The following LOXL1 variants were observed in gnomAD, a reference collection of about 807,000 sequenced individuals.
LOXL1 encodes the protein lysyl oxidase like 1, also known as lysyl oxidase homolog 1.
LOXL1 carries 31 observed loss-of-function variants against 62.2 expected under a neutral mutation model. The observed-to-expected ratio is 0.50, with a 90% CI of 0.37 to 0.67. The LOEUF (loss-of-function observed/expected upper bound fraction) is 0.67, where lower values mean the gene tolerates loss of function less well. LOXL1 is among the 30% of genes least tolerant of loss of function. The probability of loss-of-function intolerance (pLI) is 0.00; values close to 1 mark genes in which losing one functional copy is unlikely to be tolerated. For synonymous variants in LOXL1, 403 were observed against 384.4 expected (o/e 1.05, Z -0.56); for missense variants, 775 against 843.4 (o/e 0.92, Z 1.00).
At chr15:73,947,976 C>A in intron 5 of LOXL1, 74 bp downstream of exon 5, 1 of 1,167,816 alleles carries the variant, frequency 8.6e-7, no homozygotes, top group Non-Finnish European at 1.3e-6. Flanking sequence ...CTGAAAGAAG[C>A]TTCAGCCTCT....
Position 73,951,931 on chromosome 15 carries a change from C to A in LOXL1, c.*94C>A. 8.2e-7 allele frequency: 1 copy of A among 1,226,446 alleles called. No homozygotes were observed. The highest frequency in any genetic ancestry group is 1.5e-5 in the African/African-American group (1 of 64,550). 76.0% of individuals were successfully genotyped at this position (1,226,446 alleles called of 1,614,324 possible). ...GCCGAGGGGCCCAGCCCCCAACCCA[C>A]AGGCACGGAGGGGCATCCCTCCCTG... On this transcript the variant is annotated 3_prime_UTR_variant, in exon 7 of 7. Coordinates refer to ENST00000261921, the MANE Select transcript of LOXL1 (RefSeq NM_005576.4).
rs757306116 is a variant in LOXL1 at position 73,947,208 on chromosome 15, C to T, written c.1491C>T (p.Cys497=). Residue 497 remains cysteine, a synonymous_variant, in exon 4 of 7, where the codon TGC becomes TGT. Transcript: ENST00000261921. ...CDFGNLKRYA[C]TSHTQGLSPG... is the part of the protein sequence containing the mutation. Reference sequence around the variant, plus strand: ...TCGGCAACCTCAAGCGCTATGCATGCACCTCTCATACCCAGGTTGGGCTGG... The same window carrying T: ...TCGGCAACCTCAAGCGCTATGCATGTACCTCTCATACCCAGGTTGGGCTGG... The T allele has an allele frequency of 5.0e-6, 8 of 1,608,094 alleles. No homozygotes were observed. The South Asian group carries it at 8.8e-5, about 18-fold the overall frequency.
In LOXL1 at chr15:73,930,276, T is replaced by C. The variant is rs554673531; in HGVS notation, c.1102+2391T>C. ...TCAGGGAGACTTCCACAGGAAGCAA[T>C]GTCTAAGCATTGCTGCAAGGGATGG... On this transcript the variant is annotated intron_variant, in intron 1 of 6. Transcript: ENST00000261921. The surrounding 1 kb of genome is among the most constrained non-coding windows in gnomAD (Gnocchi z 4.7). Among the ~76,000 whole-genome samples, 58 of 152,192 alleles carry C rather than the reference T, an allele frequency of 3.8e-4. No individual in the cohort carries two copies. Among genetic ancestry groups the C allele is most frequent in the South Asian group, 1.9e-3 (9 of 4,826 alleles).
At chr15:73,950,837 C>T (rs2068779712) in intron 6 of LOXL1, among the ~76,000 whole-genome samples, 1 of 152,186 alleles carries the variant, frequency 6.6e-6, no homozygotes, top group South Asian at 2.1e-4. Flanking sequence ...ATGCTGCCAC[C>T]ACATCATGAA....
In LOXL1 at chr15:73,927,578, G is replaced by GCCGCCT. The variant is rs1567082764; in HGVS notation, c.797_798insGCCTCC (p.Pro266_Pro267dup). 6.7e-7 allele frequency: 1 copy of GCCGCCT among 1,500,500 alleles called. No homozygotes were observed. Among genetic ancestry groups the GCCGCCT allele is most frequent in the South Asian group, 1.2e-5 (1 of 80,264 alleles). The allele number at this position is 1,500,500 out of a possible 1,614,324, so 92.9% of individuals were successfully genotyped here. On this transcript the variant is annotated inframe_insertion, in exon 1 of 7. Coordinates refer to ENST00000261921, the MANE Select transcript of LOXL1 (RefSeq NM_005576.4). ...GGCCCTACGTGCCGCCGCCGCCGCCGCCCCCCGACGGCCTGGACCGCCGCT... is the reference window on the plus strand; with the variant it reads ...GGCCCTACGTGCCGCCGCCGCCGCCGCCGCCTCCCCCCGACGGCCTGGACCGCCGCT...
Position 73,927,328 on chromosome 15 carries a change from C to T in LOXL1, c.545C>T (p.Ala182Val). 1 of 1,603,250 alleles carries T rather than the reference C, an allele frequency of 6.2e-7. No homozygotes were observed. The highest frequency in any genetic ancestry group is 8.5e-7 in the Non-Finnish European group (1 of 1,176,494). The change falls in exon 1 of 7, where the codon GCG becomes GTG. Residue 182 changes from alanine (A) to valine (V), a missense_variant. Ala to Val is a moderately conservative substitution (Grantham distance 64, BLOSUM62 0). Transcript: ENST00000261921. ...CCGCAGCAGTTCCCCTACCCGCAGG[C>T]GCCCTTCGTCAGCCAGTACGAGAAC... is the stretch of plus-strand genomic sequence containing the variant. Reference protein sequence around the residue: ...SYPQQFPYPQAPFVSQYENYD... With the variant: ...SYPQQFPYPQVPFVSQYENYD...
intron 1 of LOXL1, among the ~76,000 whole-genome samples, chr15:73,941,335 C>T (rs1212355704): frequency 6.6e-6 from 1 of 152,176 alleles, no homozygotes; most frequent in East Asian, 1.9e-4. Context: ...ACCAGGCTCC[C>T]CCATGAGGCC....
chr15:73,951,237 G>A (rs1180476471), intron 6 of LOXL1, among the ~76,000 whole-genome samples: 3 of 152,182 alleles, frequency 2.0e-5, no homozygotes, highest in Admixed American at 1.3e-4. Flanking sequence ...GAGGGCTGTC[G>A]GCAGGGCAGA....
At chr15:73,936,892 A>G (rs1313770123) in intron 1 of LOXL1, among the ~76,000 whole-genome samples, 2 of 152,248 alleles carry the variant, frequency 1.3e-5, no homozygotes, top group Non-Finnish European at 2.9e-5. Flanking sequence ...CTCTTGCCCA[A>G]GGCTGGGGAA....
At position 73,927,085 on chromosome 15, in the gene LOXL1, C is replaced by T. The variant is rs2068585770; in HGVS notation, c.302C>T (p.Pro101Leu). The T allele has an allele frequency of 1.5e-6, 2 of 1,306,856 alleles. No homozygotes were observed. Among genetic ancestry groups the T allele is most frequent in the African/African-American group, 1.5e-5 (1 of 64,746 alleles). The allele number at this position is 1,306,856 out of a possible 1,614,324, so 81.0% of individuals were successfully genotyped here. A position where few individuals can be genotyped will look rare whatever the true frequency, so the allele number is the denominator to read the frequency against. Residue 101 changes from proline (P) to leucine (L), a missense_variant, in exon 1 of 7, where the codon CCC (proline) becomes CTC (leucine). Physicochemically the swap from Pro to Leu is moderately conservative, Grantham distance 98 (BLOSUM62 -3). Transcript: ENST00000261921. ...CGGCGTCGGCAGGCGCCGTCCCTGC[C>T]CCTGCCGGGGCGCGTGGGCTCGGAC... is the stretch of plus-strand genomic sequence containing the variant. The part of the protein sequence containing the change: ...SPRRRQAPSL[P>L]LPGRVGSDTV...
chr15:73,934,789 A>G (rs1008369080), intron 1 of LOXL1, among the ~76,000 whole-genome samples: 5 of 152,230 alleles, frequency 3.3e-5, no homozygotes, highest in Admixed American at 6.5e-5. Context: ...AGTGCTGTGG[A>G]AAAATAGAGA....
intron 1 of LOXL1, among the ~76,000 whole-genome samples, chr15:73,936,801 G>A (rs1188298820): frequency 6.6e-6 from 1 of 152,272 alleles, no homozygotes; most frequent in Non-Finnish European, 1.5e-5. Context: ...TTCTAATGAA[G>A]CAGGAAGGAT....
Position 73,927,320 on chromosome 15 carries a change from C to T in LOXL1, c.537C>T (p.Tyr179=), listed in dbSNP as rs1453640523. 1.2e-6 allele frequency: 2 copies of T among 1,603,628 alleles called. No homozygotes were observed. Among genetic ancestry groups the T allele is most frequent in the South Asian group, 1.1e-5 (1 of 90,006 alleles). Residue 179 remains tyrosine, a synonymous_variant, in exon 1 of 7, where the codon TAC becomes TAT. Transcript: ENST00000261921. The part of the protein sequence containing the change: ...QQPSYPQQFP[Y]PQAPFVSQYE... ...CCTCCTACCCGCAGCAGTTCCCCTA[C>T]CCGCAGGCGCCCTTCGTCAGCCAGT... is the stretch of plus-strand genomic sequence containing the variant.
intron 2 of LOXL1, 29 bp from the exon 3 acceptor site, chr15:73,946,388 C>G (rs756518575): frequency 2.0e-6 from 3 of 1,505,514 alleles, no homozygotes; most frequent in South Asian, 2.3e-5. Context: ...TGCCCCAACC[C>G]CCCCTCATCT....
chr15:73,930,739 C>T lies in LOXL1; in HGVS notation c.1102+2854C>T, dbSNP rs560591602. The stretch of plus-strand genomic sequence containing the variant: ...CGCCTGTCCTGAGCCCAGTTTCTTC[C>T]TCGGGTACCTGTGCCCTCTTCCTTC... On this transcript the variant is annotated intron_variant, in intron 1 of 6. Transcript: ENST00000261921. The surrounding 1 kb of genome is among the most constrained non-coding windows in gnomAD (Gnocchi z 4.7). Among the ~76,000 whole-genome samples, 1 of 152,300 alleles carries T rather than the reference C, an allele frequency of 6.6e-6. No individual in the cohort carries two copies. Among genetic ancestry groups the T allele is most frequent in the Admixed American group, 6.5e-5 (1 of 15,312 alleles).
intron 2 of LOXL1, among the ~76,000 whole-genome samples, chr15:73,943,701 A>G (rs754072260): frequency 1.3e-5 from 2 of 152,242 alleles, no homozygotes; most frequent in East Asian, 1.9e-4. Flanking sequence ...CTGGGCCAAA[A>G]TAATTAGTTA....
chr15:73,927,343 A>C lies in LOXL1; in HGVS notation c.560A>C (p.Gln187Pro), dbSNP rs1595841685. ...TACCCGCAGGCGCCCTTCGTCAGCC[A>C]GTACGAGAACTACGACCCCGCGTCG... The part of the protein sequence containing the change: ...FPYPQAPFVS[Q>P]YENYDPASRT... Residue 187 changes from glutamine to proline, a missense_variant, in exon 1 of 7, where the codon CAG becomes CCG. Physicochemically the swap from Gln to Pro is moderately conservative, Grantham distance 76. Transcript: ENST00000261921. The C allele has an allele frequency of 5.0e-6, 8 of 1,598,250 alleles. No individual in the cohort carries two copies. Among genetic ancestry groups the C allele is most frequent in the Non-Finnish European group, 6.8e-6 (8 of 1,173,704 alleles).
At position 73,939,518 on chromosome 15, in the gene LOXL1, G is replaced by A. The variant is rs944621486; in HGVS notation, c.1103-3336G>A. ...GAACAAAGAAACTTACAAAATAATG[G>A]TAAGAGTGATTCCATTTAAGTTCTA... On this transcript the variant is annotated intron_variant, in intron 1 of 6. Coordinates refer to ENST00000261921, the MANE Select transcript of LOXL1 (RefSeq NM_005576.4). 1.3e-5 allele frequency among the ~76,000 whole-genome samples: 2 copies of A among 152,190 alleles called. 1 individual carries two copies.
intron 6 of LOXL1, among the ~76,000 whole-genome samples, chr15:73,949,784 G>A (rs2068772005): frequency 6.6e-6 from 1 of 152,074 alleles, no homozygotes; most frequent in Non-Finnish European, 1.5e-5. Flanking sequence ...GTTGATCTGG[G>A]GCTGCATCCT....
Sources: allele counts gnomAD v4.1 joint callset (sites outside exome capture counted in the v4.1 genomes callset), GRCh38; gene constraint gnomAD v4.1.1; non-coding constraint Gnocchi (gnomAD v3.1); transcripts MANE v1.5; gene names NCBI Gene and HGNC (gene_info 2026-07-23, HGNC 2026-07-21).